Variants in SMIM35 observed in about 807,000 individuals in gnomAD.
SMIM35 encodes the protein TMPRSS4 antisense RNA 1 (non-protein coding).
At chr11:118,019,772 T>G (rs1353724510) in intron 1 of SMIM35, among the ~76,000 whole-genome samples, 1 of 152,214 alleles carries the variant, frequency 6.6e-6, no homozygotes, top group Admixed American at 6.5e-5. Context: ...GTATACATTA[T>G]CTCCATAATT....
intron 1 of SMIM35, among the ~76,000 whole-genome samples, chr11:118,077,598 G>A (rs74735351): frequency 0.033 from 4,986 of 152,208 alleles, 261 homozygotes; most frequent in African/African-American, 0.11. Context: ...ATGTTCTTTT[G>A]CCCAATGTCT....
At chr11:118,067,905 A>ATG (rs1172517624) in intron 1 of SMIM35, among the ~76,000 whole-genome samples, 1 of 115,874 alleles carries the variant, frequency 8.6e-6, no homozygotes, top group African/African-American at 3.2e-5. Context: ...ATATATATAT[A>ATG]TGAAAAGTTT....
intron 4 of SMIM35, among the ~76,000 whole-genome samples, chr11:118,010,810 C>G (rs550327994): frequency 1.3e-5 from 2 of 152,264 alleles, no homozygotes; most frequent in East Asian, 3.9e-4. Context: ...CCCCAGCCCC[C>G]GTGACTGCCT....
At chr11:118,010,465 C>G (rs955566876) in intron 4 of SMIM35, among the ~76,000 whole-genome samples, 4 of 152,208 alleles carry the variant, frequency 2.6e-5, no homozygotes, top group African/African-American at 7.2e-5. Flanking sequence ...CTTCTCTACT[C>G]GGCAAGTAGT....
At chr11:118,045,062 T>C (rs575602151) in intron 1 of SMIM35, among the ~76,000 whole-genome samples, 1 of 152,242 alleles carries the variant, frequency 6.6e-6, no homozygotes, top group South Asian at 2.1e-4. Flanking sequence ...GGCTTTACTA[T>C]TAGGATCAAT....
chr11:118,043,940 A>G (rs1944048983), intron 1 of SMIM35, among the ~76,000 whole-genome samples: 1 of 151,896 alleles, frequency 6.6e-6, no homozygotes, highest in South Asian at 2.1e-4. Flanking sequence ...ATTGACTGTA[A>G]TGGTGGCTGC....
intron 1 of SMIM35, among the ~76,000 whole-genome samples, chr11:118,029,391 A>G (rs919369318): frequency 1.3e-5 from 2 of 152,156 alleles, no homozygotes; most frequent in Non-Finnish European, 2.9e-5. Flanking sequence ...CAAGACCAAG[A>G]TATAGTTTAG....
intron 1 of SMIM35, among the ~76,000 whole-genome samples, chr11:118,070,059 A>G (rs1944546584): frequency 6.6e-6 from 1 of 152,206 alleles, no homozygotes; most frequent in Non-Finnish European, 1.5e-5. Context: ...AACAGAGCTA[A>G]GATTTAAAGC....
chr11:118,043,671 G>T (rs2212358), intron 1 of SMIM35, among the ~76,000 whole-genome samples: 3 of 151,664 alleles, frequency 2.0e-5, no homozygotes, highest in Admixed American at 6.6e-5. Flanking sequence ...TTAACTGGGC[G>T]TGGTGGTGGG....
intron 1 of SMIM35, among the ~76,000 whole-genome samples, chr11:118,053,539 A>C (rs974640714): frequency 6.6e-6 from 1 of 152,094 alleles, no homozygotes; most frequent in Non-Finnish European, 1.5e-5. Context: ...CAACTCCTCC[A>C]AACAGCAGTC....
rs1468601671 is a variant in SMIM35, at chr11:118,005,510, TTA to T, written c.*898_*899del. 4.6e-5 allele frequency: 7 copies of T among 152,176 alleles called. No individual in the cohort carries two copies. Among genetic ancestry groups the T allele is most frequent in the African/African-American group, 1.7e-4 (7 of 41,408 alleles). 9.4% of individuals were successfully genotyped at this position (152,176 alleles called of 1,614,324 possible). ...GCTCCGTCCAGCATACATCTCAAAA[TTA>T]TAGTGTCTACAACAGAGCTCATGAT... On this transcript the variant is annotated 3_prime_UTR_variant, in exon 5 of 5. Transcript: ENST00000689828.
At chr11:118,073,296 C>G (rs1944602029) in intron 1 of SMIM35, among the ~76,000 whole-genome samples, 1 of 152,188 alleles carries the variant, frequency 6.6e-6, no homozygotes, top group Non-Finnish European at 1.5e-5. Flanking sequence ...GTTATCCCCA[C>G]TTTACAGATG....
At chr11:118,040,476 AAAGTCCT>A (rs1943982994) in intron 1 of SMIM35, among the ~76,000 whole-genome samples, 1 of 152,246 alleles carries the variant, frequency 6.6e-6, no homozygotes, top group Non-Finnish European at 1.5e-5. Flanking sequence ...CTGTCAACCA[AAAGTCCT>A]ACGTTTAGCA....
chr11:118,086,690 G>C (rs1489276676), intron 1 of SMIM35, 61 bp downstream of exon 1: 1 of 153,026 alleles, frequency 6.5e-6, no homozygotes, highest in Admixed American at 6.5e-5. Flanking sequence ...CTCATCTCAG[G>C]AAACTCACTC....
intron 1 of SMIM35, among the ~76,000 whole-genome samples, chr11:118,070,999 G>T (rs1487396938): frequency 6.6e-6 from 1 of 152,212 alleles, no homozygotes; most frequent in African/African-American, 2.4e-5. Flanking sequence ...GGTAATAGCA[G>T]CACCCACGTT....
intron 1 of SMIM35, chr11:118,028,742 G>T (rs989796205): frequency 9.4e-6 from 4 of 424,366 alleles, no homozygotes; most frequent in Non-Finnish European, 1.9e-5. Flanking sequence ...TTAGGAGGTT[G>T]GGGAAGAAGA....
intron 1 of SMIM35, among the ~76,000 whole-genome samples, chr11:118,035,754 G>A (rs992304273): frequency 6.6e-6 from 1 of 152,198 alleles, no homozygotes; most frequent in Non-Finnish European, 1.5e-5. Flanking sequence ...CATTCTCCTG[G>A]ACCTCAGCAT....
At chr11:118,083,646 C>A (rs1325080096) in intron 1 of SMIM35, among the ~76,000 whole-genome samples, 2 of 152,136 alleles carry the variant, frequency 1.3e-5, no homozygotes, top group African/African-American at 4.8e-5. Flanking sequence ...AGAATATACT[C>A]CATGGGCAAA....
intron 1 of SMIM35, among the ~76,000 whole-genome samples, chr11:118,061,209 C>T (rs12273341): frequency 0.29 from 43,554 of 152,122 alleles, 6,217 homozygotes; most frequent in South Asian, 0.3. Context: ...TTTTCAACCC[C>T]GCCTCTTCCA....
Sources: gnomAD v4.1 joint callset for allele counts (sites outside exome capture counted in the v4.1 genomes callset) on GRCh38, gnomAD v4.1.1 for gene constraint, MANE v1.5 for transcripts, NCBI Gene and HGNC (gene_info 2026-07-23, HGNC 2026-07-21) for gene names.